Variants in DYNC1I1 observed in about 807,000 individuals in gnomAD.
DYNC1I1 encodes the protein cytoplasmic dynein 1 intermediate chain 1.
Under a neutral mutation model 86.6 loss-of-function variants are expected in DYNC1I1, and 43 were observed. The ratio of observed to expected loss-of-function variants is 0.50; its 90% CI spans 0.39 to 0.64. DYNC1I1 has a LOEUF of 0.64. DYNC1I1 is among the 30% of genes least tolerant of loss of function. The pLI is 0.00. For missense variants in DYNC1I1, 604 were observed against 788.8 expected (o/e 0.77, Z 2.81); for synonymous variants, 262 against 283.7 (o/e 0.92, Z 0.77).
chr7:95,811,028 G>A (rs1445645670), intron 3 of DYNC1I1, among the ~76,000 whole-genome samples: 1 of 152,096 alleles, frequency 6.6e-6, no homozygotes, highest in Non-Finnish European at 1.5e-5. Context: ...AAATTAATTT[G>A]ACTTTATTGT....
At chr7:95,958,418 C>T (rs1452657381) in intron 6 of DYNC1I1, among the ~76,000 whole-genome samples, 1 of 152,130 alleles carries the variant, frequency 6.6e-6, no homozygotes, top group Non-Finnish European at 1.5e-5. Context: ...CAGTGAGACT[C>T]TGTCTCTACA....
intron 10 of DYNC1I1, among the ~76,000 whole-genome samples, chr7:96,024,746 A>C (rs1277990925): frequency 6.6e-6 from 1 of 152,130 alleles, no homozygotes; most frequent in South Asian, 2.1e-4. Flanking sequence ...GGACAAAAAA[A>C]CCCCACATTT....
intron 14 of DYNC1I1, among the ~76,000 whole-genome samples, chr7:96,063,220 C>T (rs1335336623): frequency 1.3e-5 from 2 of 151,608 alleles, no homozygotes; most frequent in African/African-American, 4.9e-5. Flanking sequence ...TCATTGATTG[C>T]AAAGGGATGT....
chr7:95,948,426 A>G (rs569380357), intron 6 of DYNC1I1, among the ~76,000 whole-genome samples: 1 of 152,128 alleles, frequency 6.6e-6, no homozygotes, highest in African/African-American at 2.4e-5. Context: ...GCTTGTATCT[A>G]TCATCAGTAT....
intron 6 of DYNC1I1, among the ~76,000 whole-genome samples, chr7:95,946,266 C>T (rs1320390512): frequency 6.6e-6 from 1 of 151,802 alleles, no homozygotes; most frequent in Non-Finnish European, 1.5e-5. Flanking sequence ...ACCTATGTCA[C>T]AAACCTGCAC....
intron 6 of DYNC1I1, among the ~76,000 whole-genome samples, chr7:95,925,260 A>C (rs1791713573): frequency 3.3e-5 from 5 of 152,132 alleles, no homozygotes; most frequent in Admixed American, 3.3e-4. Flanking sequence ...ACCAGAGTGA[A>C]AATTTGTGTC....
At chr7:95,932,262 T>C (rs962716849) in intron 6 of DYNC1I1, among the ~76,000 whole-genome samples, 1 of 152,216 alleles carries the variant, frequency 6.6e-6, no homozygotes. Context: ...GGCAAAAGTC[T>C]CTATTTCTCC....
chr7:95,977,984 CTACA>C (rs1793351452), intron 7 of DYNC1I1, among the ~76,000 whole-genome samples: 1 of 152,106 alleles, frequency 6.6e-6, no homozygotes, highest in South Asian at 2.1e-4. Flanking sequence ...TTCATGTGAT[CTACA>C]TAGAAACATT....
chr7:96,048,275 C>A (rs1441946829), intron 14 of DYNC1I1, among the ~76,000 whole-genome samples: 1 of 152,050 alleles, frequency 6.6e-6, no homozygotes, highest in East Asian at 1.9e-4. Context: ...TGTAAAATTG[C>A]CATTGTGGAA....
At chr7:95,793,574 TA>T (rs1375796815) in intron 1 of DYNC1I1, among the ~76,000 whole-genome samples, 1 of 152,168 alleles carries the variant, frequency 6.6e-6, no homozygotes, top group African/African-American at 2.4e-5. Flanking sequence ...AGTTTAGAAT[TA>T]TTTCTATAGC....
intron 1 of DYNC1I1, 84 bp from the exon 2 acceptor site, chr7:95,804,637 G>A (rs1387095781): frequency 1.3e-5 from 17 of 1,352,644 alleles, no homozygotes; most frequent in African/African-American, 1.5e-5. Flanking sequence ...TTGTTAAGTT[G>A]CATTTTCTTT....
At chr7:96,027,643 C>T (rs1794713106) in intron 10 of DYNC1I1, among the ~76,000 whole-genome samples, 1 of 152,146 alleles carries the variant, frequency 6.6e-6, no homozygotes, top group Non-Finnish European at 1.5e-5. Context: ...TTGGATCAGT[C>T]TGAGGTCAGT....
chr7:96,041,243 A>G (rs1789038891), intron 14 of DYNC1I1, among the ~76,000 whole-genome samples: 1 of 152,216 alleles, frequency 6.6e-6, no homozygotes, highest in African/African-American at 2.4e-5. Context: ...AACCTCATTT[A>G]TAAGAGAAAT....
At chr7:95,859,903 G>A (rs1416164719) in intron 5 of DYNC1I1, among the ~76,000 whole-genome samples, 2 of 152,154 alleles carry the variant, frequency 1.3e-5, no homozygotes, top group East Asian at 1.9e-4. Flanking sequence ...CTTGCTTCCC[G>A]CTCCTTCTCC....
At chr7:95,824,447 A>G (rs904362088) in intron 4 of DYNC1I1, among the ~76,000 whole-genome samples, 1 of 152,136 alleles carries the variant, frequency 6.6e-6, no homozygotes, top group African/African-American at 2.4e-5. Context: ...CTCTGCATGC[A>G]TTGATTGAGC....
At chr7:95,845,765 G>A (rs527673860) in intron 5 of DYNC1I1, among the ~76,000 whole-genome samples, 1 of 152,216 alleles carries the variant, frequency 6.6e-6, no homozygotes, top group African/African-American at 2.4e-5. Flanking sequence ...TTATAAATTG[G>A]TTTTAACAGA....
At chr7:95,926,349 T>A (rs1159867941) in intron 6 of DYNC1I1, among the ~76,000 whole-genome samples, 1 of 152,154 alleles carries the variant, frequency 6.6e-6, no homozygotes, top group African/African-American at 2.4e-5. Context: ...TTTAGCCATT[T>A]TAAATGACAG....
chr7:95,780,314 C>T (rs971634704), intron 1 of DYNC1I1, among the ~76,000 whole-genome samples: 5 of 151,804 alleles, frequency 3.3e-5, no homozygotes, highest in Non-Finnish European at 7.4e-5. Context: ...GTCGCCCAGG[C>T]TGGAGTGCAG....
intron 10 of DYNC1I1, among the ~76,000 whole-genome samples, chr7:96,007,582 A>T (rs1010592642): frequency 1.6e-4 from 24 of 152,216 alleles, no homozygotes; most frequent in African/African-American, 5.3e-4. Flanking sequence ...GAGCTGCAAA[A>T]TATGATACAT....
Sources: allele counts gnomAD v4.1 joint callset (sites outside exome capture counted in the v4.1 genomes callset), GRCh38; gene constraint gnomAD v4.1.1; transcripts MANE v1.5; gene names NCBI Gene and HGNC (gene_info 2026-07-23, HGNC 2026-07-21).